CLEC16A: variants seen among roughly 807,000 people sequenced by gnomAD.
The protein encoded by CLEC16A is protein CLEC16A.
In CLEC16A, 51 loss-of-function variants were observed where a neutral mutation model predicts 109.5. The ratio of observed to expected loss-of-function variants is 0.47; its 90% CI spans 0.37 to 0.59. CLEC16A has a LOEUF of 0.59. CLEC16A is among the 20% of genes least tolerant of loss of function. CLEC16A has a pLI of 0.00. For missense variants in CLEC16A, 1,339 were observed against 1,394.0 expected (o/e 0.96, Z 0.63); for synonymous variants, 673 against 564.2 (o/e 1.19, Z -2.73).
chr16:11,024,233 C>G (rs1046689646), intron 12 of CLEC16A: 1 of 152,924 alleles, frequency 6.5e-6, no homozygotes, highest in African/African-American at 2.4e-5. Context: ...GTCTTCATTG[C>G]GCTTGAATCC....
intron 19 of CLEC16A, among the ~76,000 whole-genome samples, chr16:11,095,549 C>T (rs958987457): frequency 6.6e-6 from 1 of 152,204 alleles, no homozygotes; most frequent in Non-Finnish European, 1.5e-5. Context: ...CGATGGCTCA[C>T]GCCTGTAATC....
intron 1 of CLEC16A, among the ~76,000 whole-genome samples, chr16:10,948,293 C>T (rs536818233): frequency 5.3e-5 from 8 of 152,318 alleles, no homozygotes; most frequent in Admixed American, 2.0e-4. Context: ...CTTTGTAACA[C>T]TCCCAGCTTG....
rs2068661163 is a variant in CLEC16A, at chr16:11,174,442, G to T, written c.2807-3893G>T. Among the ~76,000 whole-genome samples the T allele has an allele frequency of 6.6e-6, 1 of 152,242 alleles. No individual in the cohort carries two copies. Among genetic ancestry groups the T allele is most frequent in the Non-Finnish European group, 1.5e-5 (1 of 68,042 alleles). The stretch of plus-strand genomic sequence containing the variant: ...TTTTCCCCCAAAGTTGGTTCTCCCT[G>T]CTCCCTGTCTGGCCTCACCTCATGT... On this transcript the variant is annotated intron_variant, in intron 23 of 23. Coordinates refer to ENST00000409790, the MANE Select transcript of CLEC16A (RefSeq NM_015226.3). The surrounding 1 kb of genome is among the most constrained non-coding windows in gnomAD (Gnocchi z 4.7).
chr16:11,155,877 A>G (rs2153083889), intron 22 of CLEC16A, among the ~76,000 whole-genome samples: 1 of 152,314 alleles, frequency 6.6e-6, no homozygotes, highest in South Asian at 2.1e-4. Context: ...CATACTAAGT[A>G]TGTGTCAACG....
At chr16:10,990,846 A>C (rs8055968) in intron 10 of CLEC16A, among the ~76,000 whole-genome samples, 1 of 152,130 alleles carries the variant, frequency 6.6e-6, no homozygotes, top group Non-Finnish European at 1.5e-5. Flanking sequence ...AATGAGGTAC[A>C]TGCCACTTCT....
chr16:10,957,644 T>C, intron 1 of CLEC16A, 138 bp from the exon 2 acceptor site: 1 of 832,708 alleles, frequency 1.2e-6, no homozygotes, highest in Non-Finnish European at 1.9e-6. Context: ...GAGTTACATC[T>C]AATCTGAATG....
At chr16:11,059,299 T>A (rs2152900804) in intron 18 of CLEC16A, among the ~76,000 whole-genome samples, 1 of 152,372 alleles carries the variant, frequency 6.6e-6, no homozygotes, top group South Asian at 2.1e-4. Flanking sequence ...TTAAAAACTG[T>A]TGACAATCAG....
rs201475595 is a variant in CLEC16A, at chr16:10,972,959, A to T, written c.626A>T (p.His209Leu). The change falls in exon 7 of 24, where the codon CAC becomes CTC. Residue 209 changes from histidine (H) to leucine (L), a missense_variant. By Grantham distance (99) the His-to-Leu change is moderately conservative. Coordinates refer to ENST00000409790, the MANE Select transcript of CLEC16A (RefSeq NM_015226.3). Reference sequence around the variant, plus strand: ...TCAGTGGATAACCAGGCCATGCTGCACTACATCCGAGATAAAACTGCTGTT... The same window carrying T: ...TCAGTGGATAACCAGGCCATGCTGCTCTACATCCGAGATAAAACTGCTGTT... ...KVSLDNQAML[H>L]YIRDKTAVPY... The T allele has an allele frequency of 6.2e-7, 1 of 1,609,902 alleles. No individual in the cohort carries two copies.
At position 11,062,782 on chromosome 16, in the gene CLEC16A, G is replaced by A. The variant is rs4624199; in HGVS notation, c.2116+1760G>A. ...ACTCCTTTGGCCCTTTTGCCCTTGA[G>A]AAATGGCCACAGGAATTTCTCTAAG... is the stretch of plus-strand genomic sequence containing the variant. On this transcript the variant is annotated intron_variant, in intron 19 of 23. Transcript: ENST00000409790. Among the ~76,000 whole-genome samples the A allele has an allele frequency of 7.9e-5, 12 of 151,618 alleles. 1 individual carries two copies. The highest frequency in any genetic ancestry group is 7.3e-4 in the Admixed American group (11 of 15,096).
At chr16:11,133,862 C>G (rs2053394428) in intron 22 of CLEC16A, among the ~76,000 whole-genome samples, 1 of 152,220 alleles carries the variant, frequency 6.6e-6, no homozygotes, top group Non-Finnish European at 1.5e-5. Context: ...TTAACCCTTT[C>G]CCAGCCTTCA....
intron 1 of CLEC16A, among the ~76,000 whole-genome samples, chr16:10,950,755 C>A (rs993732702): frequency 1.3e-5 from 2 of 152,232 alleles, no homozygotes; most frequent in African/African-American, 4.8e-5. Context: ...CAGACAGATA[C>A]AGGCTCTGTG....
intron 8 of CLEC16A, among the ~76,000 whole-genome samples, chr16:10,978,805 C>G (rs2043158986): frequency 6.6e-6 from 1 of 152,176 alleles, no homozygotes; most frequent in Admixed American, 6.5e-5. Context: ...AACTCTGTGA[C>G]CTAAAGCAGT....
intron 17 of CLEC16A, among the ~76,000 whole-genome samples, chr16:11,050,188 T>C (rs191654837): frequency 1.5e-4 from 23 of 152,340 alleles, no homozygotes; most frequent in Non-Finnish European, 2.8e-4. Flanking sequence ...CTCACTCTTA[T>C]AACAAAGTCA....
chr16:11,172,137 C>G (rs1022086964), intron 23 of CLEC16A, among the ~76,000 whole-genome samples: 16 of 152,154 alleles, frequency 1.1e-4, no homozygotes, highest in Admixed American at 6.5e-4. Context: ...TACACAGTCA[C>G]ACATGCCACT....
chr16:10,981,892 G>C (rs893244265), intron 9 of CLEC16A, among the ~76,000 whole-genome samples: 1 of 152,174 alleles, frequency 6.6e-6, no homozygotes, highest in Non-Finnish European at 1.5e-5. Flanking sequence ...TGTCATGACC[G>C]AGGCTGGGGT....
intron 22 of CLEC16A, among the ~76,000 whole-genome samples, chr16:11,158,561 A>T (rs1227756344): frequency 6.6e-6 from 1 of 152,116 alleles, no homozygotes. Context: ...CCTCAGACTC[A>T]AAAGCCCCCC....
At chr16:11,007,478 CT>C (rs2045098712) in intron 11 of CLEC16A, among the ~76,000 whole-genome samples, 1 of 152,218 alleles carries the variant, frequency 6.6e-6, no homozygotes, top group Non-Finnish European at 1.5e-5. Flanking sequence ...AGCTCTGCCC[CT>C]GAACAGCTGT....
At chr16:11,039,213 A>C (rs1330384548) in intron 13 of CLEC16A, among the ~76,000 whole-genome samples, 2 of 152,162 alleles carry the variant, frequency 1.3e-5, no homozygotes, top group Non-Finnish European at 2.9e-5. Context: ...CTTCTCTCCA[A>C]CACTATTAAG....
chr16:11,134,235 G>A (rs2053426133), intron 22 of CLEC16A, among the ~76,000 whole-genome samples: 1 of 149,290 alleles, frequency 6.7e-6, no homozygotes, highest in Non-Finnish European at 1.5e-5. Flanking sequence ...GCCACCTAAG[G>A]CCTCACTGGT....
Sources: gnomAD v4.1 joint callset for allele counts (sites outside exome capture counted in the v4.1 genomes callset) on GRCh38, gnomAD v4.1.1 for gene constraint, Gnocchi (gnomAD v3.1) non-coding constraint, MANE v1.5 for transcripts, NCBI Gene and HGNC (gene_info 2026-07-23, HGNC 2026-07-21) for gene names.